Variants in SEMA5A observed in about 807,000 individuals in gnomAD.
SEMA5A encodes the protein semaphorin-5A.
Under a neutral mutation model 135.5 loss-of-function variants are expected in SEMA5A, and 55 were observed. The ratio of observed to expected loss-of-function variants is 0.41; its 90% CI spans 0.33 to 0.51. SEMA5A has a LOEUF of 0.51. Among genes scored for constraint, SEMA5A ranks in the 20% least tolerant of loss-of-function variants. The pLI, the probability that SEMA5A is intolerant of heterozygous loss-of-function variation, is 0.37. For missense variants in SEMA5A, 1,290 were observed against 1,419.9 expected (o/e 0.91, Z 1.47); for synonymous variants, 580 against 546.5 (o/e 1.06, Z -0.85).
intron 8 of SEMA5A, among the ~76,000 whole-genome samples, chr5:9,216,135 C>T (rs1746609874): frequency 6.6e-6 from 1 of 152,142 alleles, no homozygotes; most frequent in Admixed American, 6.5e-5. Context: ...TAGTGCTATG[C>T]CTCTTCACAC....
chr5:9,162,794 G>A (rs72643790), intron 11 of SEMA5A, among the ~76,000 whole-genome samples: 3 of 151,530 alleles, frequency 2.0e-5, no homozygotes, highest in African/African-American at 4.9e-5. Flanking sequence ...TGGAAGGGAC[G>A]TAAAACAATA....
chr5:9,080,366 G>A (rs1047515231), intron 16 of SEMA5A, among the ~76,000 whole-genome samples: 2 of 152,082 alleles, frequency 1.3e-5, no homozygotes, highest in African/African-American at 4.8e-5. Context: ...CATGGACACA[G>A]GGAGGAGAAC....
At chr5:9,047,142 ACTT>A (rs965521641) in intron 21 of SEMA5A, among the ~76,000 whole-genome samples, 5 of 152,212 alleles carry the variant, frequency 3.3e-5, no homozygotes, top group East Asian at 1.9e-4. Flanking sequence ...ACAAGTTCTT[ACTT>A]CTTCTCTCTC....
At chr5:9,516,078 C>T (rs1417408500) in intron 1 of SEMA5A, among the ~76,000 whole-genome samples, 1 of 152,186 alleles carries the variant, frequency 6.6e-6, no homozygotes, top group African/African-American at 2.4e-5. Context: ...TTTAACTGAA[C>T]AAATTTACTG....
intron 4 of SEMA5A, among the ~76,000 whole-genome samples, chr5:9,323,021 G>A (rs1274676037): frequency 5.3e-5 from 8 of 152,180 alleles, no homozygotes. Context: ...TGTGATGTAT[G>A]TCTCCCCTTG....
In SEMA5A at chr5:9,136,639, A is replaced by G. The variant is rs551905261; in HGVS notation, c.1482-18T>C. ...TGCAGGTGCTGGAAACACACACCAAATGGTCAACAGAAAGGTCGCTTTACC... is the reference window on the plus strand; with the variant it reads ...TGCAGGTGCTGGAAACACACACCAAGTGGTCAACAGAAAGGTCGCTTTACC... On this transcript the variant is annotated intron_variant, in intron 12 of 22. Transcript: ENST00000382496. 6.3e-7 allele frequency: 1 copy of G among 1,595,720 alleles called. No homozygotes were observed. Among genetic ancestry groups the G allele is most frequent in the East Asian group, 2.2e-5 (1 of 44,772 alleles).
At chr5:9,381,053 G>A (rs1386885896) in intron 2 of SEMA5A, among the ~76,000 whole-genome samples, 1 of 152,212 alleles carries the variant, frequency 6.6e-6, no homozygotes, top group African/African-American at 2.4e-5. Flanking sequence ...GTATTGGGAA[G>A]AGCTTACAGA....
At chr5:9,332,788 G>A (rs1220376988) in intron 4 of SEMA5A, among the ~76,000 whole-genome samples, 1 of 152,214 alleles carries the variant, frequency 6.6e-6, no homozygotes, top group Admixed American at 6.5e-5. Context: ...TTCTCATTTT[G>A]TGATGTTATT....
In SEMA5A at chr5:9,122,698, C is replaced by A. The variant is rs1740875975; in HGVS notation, c.1739G>T (p.Trp580Leu). 6.2e-7 allele frequency: 1 copy of A among 1,611,804 alleles called. No individual in the cohort carries two copies. The change falls in exon 14 of 23, where the codon TGG (tryptophan) becomes TTG (leucine). Residue 580 changes from tryptophan to leucine, a missense_variant. By Grantham distance (61) the Trp-to-Leu change is moderately conservative (BLOSUM62 -2). This residue lies in a region of SEMA5A where 1,029 missense variants were observed against 1,086.6 expected (regional missense o/e 0.95). Coordinates refer to ENST00000382496, the MANE Select transcript of SEMA5A (RefSeq NM_003966.3). ...CDSPAPQCGGWQCEGPGMEIA... is the reference protein window; with the variant it reads ...CDSPAPQCGGLQCEGPGMEIA... ...CTCCATGCCAGGGCCCTCGCACTGC[C>A]AGCCACCACACTGCGGGGCCGGGCT... is the stretch of plus-strand genomic sequence containing the variant.
intron 3 of SEMA5A, among the ~76,000 whole-genome samples, chr5:9,353,479 C>G (rs1754307741): frequency 6.6e-6 from 1 of 152,122 alleles, no homozygotes; most frequent in East Asian, 1.9e-4. Flanking sequence ...ACTCATACCT[C>G]TTCCCTAAGA....
intron 3 of SEMA5A, among the ~76,000 whole-genome samples, chr5:9,359,920 C>T (rs1754617714): frequency 6.6e-6 from 1 of 152,178 alleles, no homozygotes; most frequent in Non-Finnish European, 1.5e-5. Flanking sequence ...CCTTTGACAA[C>T]ACTAGGTGGC....
At chr5:9,125,107 T>C (rs1166085529) in intron 13 of SEMA5A, among the ~76,000 whole-genome samples, 2 of 148,288 alleles carry the variant, frequency 1.3e-5, no homozygotes, top group East Asian at 1.9e-4. Context: ...CCAAATACAA[T>C]AGGAACTAAC....
chr5:9,497,714 T>C (rs1038286776), intron 1 of SEMA5A, among the ~76,000 whole-genome samples: 3 of 152,192 alleles, frequency 2.0e-5, no homozygotes, highest in African/African-American at 4.8e-5. Context: ...GATGTCAATA[T>C]CTTCCTCAAG....
intron 3 of SEMA5A, among the ~76,000 whole-genome samples, chr5:9,376,475 T>G (rs1755367904): frequency 6.6e-6 from 1 of 152,224 alleles, no homozygotes; most frequent in Non-Finnish European, 1.5e-5. Flanking sequence ...ACCACCGTCC[T>G]ACAGCCCAGG....
chr5:9,238,165 C>T (rs1346503434), intron 5 of SEMA5A, among the ~76,000 whole-genome samples: 1 of 152,040 alleles, frequency 6.6e-6, no homozygotes, highest in Non-Finnish European at 1.5e-5. Context: ...TAGAAAGGAA[C>T]AATGAGTTGG....
At chr5:9,375,109 G>C (rs909592556) in intron 3 of SEMA5A, among the ~76,000 whole-genome samples, 3 of 151,948 alleles carry the variant, frequency 2.0e-5, no homozygotes, top group African/African-American at 7.3e-5. Flanking sequence ...CTATCATCTA[G>C]TCCCTAACCT....
chr5:9,278,215 G>C lies in SEMA5A; in HGVS notation c.270+40157C>G, dbSNP rs572081490. Among the ~76,000 whole-genome samples, 44 of 152,196 alleles carry C rather than the reference G, an allele frequency of 2.9e-4. No individual in the cohort carries two copies. In the South Asian group the frequency reaches 8.5e-3, roughly 29 times the overall value. On this transcript the variant is annotated intron_variant, in intron 5 of 22. Transcript: ENST00000382496. ...GCAACCCTTGCTATGCTTAAGCAAAGAGACTGGTGACATTTTGTTCCTGCC... is the reference window on the plus strand; with the variant it reads ...GCAACCCTTGCTATGCTTAAGCAAACAGACTGGTGACATTTTGTTCCTGCC...
intron 16 of SEMA5A, among the ~76,000 whole-genome samples, chr5:9,074,735 A>G (rs1725345619): frequency 6.6e-6 from 1 of 152,232 alleles, no homozygotes; most frequent in Non-Finnish European, 1.5e-5. Context: ...ATGTAAACTT[A>G]GAAAAAGGTA....
At chr5:9,194,676 G>A (rs965521364) in intron 10 of SEMA5A, among the ~76,000 whole-genome samples, 2 of 152,222 alleles carry the variant, frequency 1.3e-5, no homozygotes, top group Admixed American at 6.5e-5. Flanking sequence ...ACCATAATCT[G>A]TAACTTGAGC....
Sources: allele counts gnomAD v4.1 joint callset (sites outside exome capture counted in the v4.1 genomes callset), GRCh38; gene constraint gnomAD v4.1.1; regional missense constraint gnomAD v4.1.1; transcripts MANE v1.5; gene names NCBI Gene and HGNC (gene_info 2026-07-23, HGNC 2026-07-21).